Variants in MAP3K1 observed in about 807,000 individuals in gnomAD.
MAP3K1 encodes the protein mitogen-activated protein kinase kinase kinase 1, also known as MAP/ERK kinase kinase 1.
A neutral mutation model predicts 144.2 loss-of-function variants in MAP3K1; 36 were observed. That is an observed-to-expected ratio of 0.25 (90% confidence interval 0.19 to 0.33). The LOEUF is 0.33. Ranked by LOEUF, MAP3K1 falls within the 10% of genes least tolerant of loss-of-function variation. The pLI, the probability that MAP3K1 is intolerant of heterozygous loss-of-function variation, is 1.00. For missense variants in MAP3K1, 1,650 were observed against 1,881.9 expected (o/e 0.88, Z 2.28); for synonymous variants, 718 against 688.7 (o/e 1.04, Z -0.67).
In MAP3K1 at chr5:56,882,847, T is replaced by G; in HGVS notation, c.3647T>G (p.Ile1216Ser). The G allele has an allele frequency of 1.2e-6, 2 of 1,609,992 alleles. No individual in the cohort carries two copies. The highest frequency in any genetic ancestry group is 8.5e-7 in the Non-Finnish European group (1 of 1,179,572). Residue 1216 changes from isoleucine to serine, a missense_variant, in exon 14 of 20, where the codon ATC becomes AGC. By Grantham distance (142) the Ile-to-Ser change is moderately radical. This residue lies in a region of MAP3K1 where 841 missense variants were observed against 886.5 expected (regional missense o/e 0.95). Transcript: ENST00000399503. ...PQLQVENGEDIIIIQQDTPET... is the reference protein window; with the variant it reads ...PQLQVENGEDSIIIQQDTPET... ...CTGCAGGTTGAAAATGGAGAAGATA[T>G]CATCATTATTCAACAGGATGTAAGT... is the stretch of plus-strand genomic sequence containing the variant.
intron 14 of MAP3K1, 141 bp downstream of exon 14, chr5:56,883,007 AG>A (rs1748273562): frequency 1.5e-6 from 1 of 684,872 alleles, no homozygotes; most frequent in Admixed American, 2.8e-5. Flanking sequence ...TGGTCAACAA[AG>A]CAAGACCCTG....
chr5:56,880,459 G>A (rs1488215734), intron 11 of MAP3K1, among the ~76,000 whole-genome samples: 1 of 152,094 alleles, frequency 6.6e-6, no homozygotes, highest in East Asian at 1.9e-4. Flanking sequence ...ATTTAAATCA[G>A]TACTTGCAAA....
chr5:56,882,682 C>T lies in MAP3K1; in HGVS notation c.3482C>T (p.Ala1161Val), dbSNP rs201920561. The change falls in exon 14 of 20, where the codon GCT becomes GTT. Residue 1161 changes from alanine to valine, a missense_variant. Physicochemically the swap from Ala to Val is moderately conservative, Grantham distance 64. This residue lies in a region of MAP3K1 where 841 missense variants were observed against 886.5 expected (regional missense o/e 0.95). Transcript: ENST00000399503. ...GTTGCTGTCCTGTCTCCTGAAAAGG[C>T]TGAAAATGATGATACCTACAAAGAT... is the stretch of plus-strand genomic sequence containing the variant. ...SEVAVLSPEK[A>V]ENDDTYKDDV... 2 of 1,613,950 alleles carry T rather than the reference C, an allele frequency of 1.2e-6. No homozygotes were observed. Among genetic ancestry groups the T allele is most frequent in the Non-Finnish European group, 1.7e-6 (2 of 1,180,016 alleles).
intron 1 of MAP3K1, among the ~76,000 whole-genome samples, chr5:56,834,942 A>C (rs1023415574): frequency 6.6e-6 from 1 of 152,198 alleles, no homozygotes; most frequent in Non-Finnish European, 1.5e-5. Flanking sequence ...AATAAGATAT[A>C]AAATTAAGTA....
intron 9 of MAP3K1, among the ~76,000 whole-genome samples, chr5:56,874,026 A>G (rs1201775289): frequency 6.6e-6 from 1 of 152,184 alleles, no homozygotes; most frequent in Non-Finnish European, 1.5e-5. Context: ...TGTTTTGCCT[A>G]AGCTTTAGGT....
chr5:56,871,008 A>AT (rs1747833586), intron 6 of MAP3K1, among the ~76,000 whole-genome samples: 1 of 152,032 alleles, frequency 6.6e-6, no homozygotes, highest in Non-Finnish European at 1.5e-5. Context: ...CCAATCTATT[A>AT]TTTTTTATTC....
intron 1 of MAP3K1, among the ~76,000 whole-genome samples, chr5:56,855,529 G>T (rs1197335641): frequency 6.6e-6 from 1 of 152,138 alleles, no homozygotes. Context: ...AGTGAAACGG[G>T]TTAACCGTTT....
rs763362183 is a variant in MAP3K1, at chr5:56,881,150, C to A, written c.2247C>A (p.Asn749Lys). The part of the protein sequence containing the change: ...NCILGNQTES[N>K]NWQELLGRLC... ...TTCTTGGAAACCAAACTGAATCAAA[C>A]AATTGGCAAGAACTTCTTGGCCGCC... The change falls in exon 13 of 20, where the codon AAC (asparagine) becomes AAA (lysine). Residue 749 changes from asparagine (N) to lysine (K), a missense_variant. Physicochemically the swap from Asn to Lys is moderately conservative, Grantham distance 94. This residue lies in a region of MAP3K1 where 841 missense variants were observed against 886.5 expected (regional missense o/e 0.95). Coordinates refer to ENST00000399503, the MANE Select transcript of MAP3K1 (RefSeq NM_005921.2). 1.2e-6 allele frequency: 2 copies of A among 1,613,780 alleles called. No individual in the cohort carries two copies. Among genetic ancestry groups the A allele is most frequent in the East Asian group, 4.5e-5 (2 of 44,832 alleles).
chr5:56,845,307 A>G (rs1746955789), intron 1 of MAP3K1, among the ~76,000 whole-genome samples: 1 of 152,360 alleles, frequency 6.6e-6, no homozygotes, highest in East Asian at 1.9e-4. Flanking sequence ...AAAGGTAACA[A>G]GTAAACATAG....
rs56842757 is a variant in MAP3K1, at chr5:56,886,096, A to G, written c.4114+33A>G. The G allele has an allele frequency of 3.6e-3, 5,724 of 1,584,920 alleles. 201 individuals carry two copies. In the African/African-American group the frequency reaches 0.07, roughly 19 times the overall value. On this transcript the variant is annotated intron_variant, in intron 17 of 19. Coordinates refer to ENST00000399503, the MANE Select transcript of MAP3K1 (RefSeq NM_005921.2). ...TTCTTCTAATTATTATCTAGTGACA[A>G]TAAAAAAATTAATTTTAAAATTTGG...
At chr5:56,879,309 A>G (rs1054285396) in intron 11 of MAP3K1, among the ~76,000 whole-genome samples, 7 of 152,278 alleles carry the variant, frequency 4.6e-5, no homozygotes, top group South Asian at 2.1e-4. Flanking sequence ...CAGGCAAACA[A>G]ACTGCATGGA....
At chr5:56,885,604 T>G (rs116755558) in intron 16 of MAP3K1, among the ~76,000 whole-genome samples, 3,007 of 152,318 alleles carry the variant, frequency 0.02, 120 homozygotes, top group African/African-American at 0.066. Context: ...TTGTTTACTT[T>G]AGTCATTAAT....
rs1212914982 is a variant in MAP3K1 at position 56,875,211 on chromosome 5, T to C, written c.1866T>C (p.Ser622=). 1 of 1,614,022 alleles carries C rather than the reference T, an allele frequency of 6.2e-7. No individual in the cohort carries two copies. Among genetic ancestry groups the C allele is most frequent in the Admixed American group, 1.7e-5 (1 of 59,982 alleles). ...SSPSGGATSG[S]SQTSISGDVV... ...CGAGTGGGGGAGCCACCAGTGGGTC[T>C]TCCCAGACCAGTATCTCAGGAGATG... The change falls in exon 10 of 20, where the codon TCT becomes TCC. Residue 622 remains serine (S), a synonymous_variant. Transcript: ENST00000399503.
intron 1 of MAP3K1, among the ~76,000 whole-genome samples, chr5:56,845,529 C>T (rs934682887): frequency 3.3e-5 from 5 of 152,174 alleles, no homozygotes; most frequent in African/African-American, 7.2e-5. Flanking sequence ...TCTAGTGTAA[C>T]GTCTCTCTAG....
chr5:56,818,756 A>G (rs990479), intron 1 of MAP3K1, among the ~76,000 whole-genome samples: 7,070 of 152,216 alleles, frequency 0.046, 576 homozygotes, highest in African/African-American at 0.16. Context: ...CTATTTTTGT[A>G]ACTTAAAAAA....
At chr5:56,879,799 A>G (rs981230745) in intron 11 of MAP3K1, among the ~76,000 whole-genome samples, 13 of 152,214 alleles carry the variant, frequency 8.5e-5, no homozygotes, top group Non-Finnish European at 1.5e-5. Flanking sequence ...GTGAACAGTT[A>G]TTTGGTAGTT....
chr5:56,881,733 A>C lies in MAP3K1; in HGVS notation c.2533A>C (p.Ser845Arg). The C allele has an allele frequency of 3.7e-6, 6 of 1,614,166 alleles. No individual in the cohort carries two copies. Among genetic ancestry groups the C allele is most frequent in the Non-Finnish European group, 5.1e-6 (6 of 1,180,024 alleles). The change falls in exon 14 of 20, where the codon AGT becomes CGT. Residue 845 changes from serine (S) to arginine (R), a missense_variant. Physicochemically the swap from Ser to Arg is moderately radical, Grantham distance 110. This residue lies in a region of MAP3K1 where 841 missense variants were observed against 886.5 expected (regional missense o/e 0.95). Coordinates refer to ENST00000399503, the MANE Select transcript of MAP3K1 (RefSeq NM_005921.2). ...ACTGTTAGAAATGCTGAGTGTTTCC[A>C]GTTCCACTCACTTCACCAGGATGCG... ...SKLLEMLSVS[S>R]STHFTRMRRR... is the part of the protein sequence containing the mutation.
Position 56,893,926 on chromosome 5 carries a change from C to G in MAP3K1, c.*246C>G. 1 of 534,654 alleles carries G rather than the reference C, an allele frequency of 1.9e-6. No individual in the cohort carries two copies. Among genetic ancestry groups the G allele is most frequent in the Non-Finnish European group, 3.4e-6 (1 of 296,356 alleles). 33.1% of individuals were successfully genotyped at this position (534,654 alleles called of 1,614,324 possible). ...TTTCAAAGAACTGGCCCTAGGTGAA[C>G]AGGAAAACAATGAAGTTTGCATGAC... On this transcript the variant is annotated 3_prime_UTR_variant, in exon 20 of 20. Transcript: ENST00000399503.
At chr5:56,864,694 G>A in intron 3 of MAP3K1, 40 bp from the exon 4 acceptor site, 8 of 1,601,200 alleles carry the variant, frequency 5.0e-6, no homozygotes, top group South Asian at 3.3e-5. Context: ...TCTTAATTAA[G>A]AAATGAGAAA....
Sources: gnomAD v4.1 joint callset for allele counts (sites outside exome capture counted in the v4.1 genomes callset) on GRCh38, gnomAD v4.1.1 for gene constraint, gnomAD v4.1.1 regional missense constraint, MANE v1.5 for transcripts, NCBI Gene and HGNC (gene_info 2026-07-23, HGNC 2026-07-21) for gene names.